Variants in FOXN3 observed in about 807,000 individuals in gnomAD.
FOXN3 encodes forkhead box protein N3.
FOXN3 carries 7 observed loss-of-function variants against 38.4 expected under a neutral mutation model. The observed-to-expected ratio is 0.18, with a 90% CI of 0.10 to 0.34. FOXN3 has a LOEUF of 0.34. Among genes scored for constraint, FOXN3 ranks in the 10% least tolerant of loss-of-function variants. The pLI is 1.00. For missense variants in FOXN3, 456 were observed against 613.4 expected (o/e 0.74, Z 2.71); for synonymous variants, 230 against 242.2 (o/e 0.95, Z 0.47).
chr14:89,445,574 G>A (rs1359824368), intron 1 of FOXN3, among the ~76,000 whole-genome samples: 1 of 152,176 alleles, frequency 6.6e-6, no homozygotes, highest in East Asian at 1.9e-4. Flanking sequence ...AAGTGCCCAG[G>A]GATTAGGGCT....
In FOXN3 at chr14:89,197,364, G is replaced by A. The variant is rs117207777; in HGVS notation, c.746-16558C>T. On this transcript the variant is annotated intron_variant, in intron 4 of 5. Transcript: ENST00000557258. ...TCTACTAAAAATACAAAGATTAGCC[G>A]GATGTGGTGGTGCACACCTGTAGTC... is the stretch of plus-strand genomic sequence containing the variant. 6.9e-3 allele frequency among the ~76,000 whole-genome samples: 1,046 copies of A among 152,086 alleles called. 8 individuals are homozygous for A. Among genetic ancestry groups the A allele is most frequent in the Non-Finnish European group, 0.011 (743 of 67,994 alleles).
At chr14:89,295,529 G>A (rs1242872139) in intron 3 of FOXN3, among the ~76,000 whole-genome samples, 1 of 152,070 alleles carries the variant, frequency 6.6e-6, no homozygotes, top group Non-Finnish European at 1.5e-5. Context: ...GAAAAACAGC[G>A]GGAATGCTAC....
intron 1 of FOXN3, among the ~76,000 whole-genome samples, chr14:89,415,604 C>CAAAAAAAAAAAAAAAAA (rs34026101): frequency 1.3e-4 from 7 of 54,282 alleles, no homozygotes; most frequent in African/African-American, 2.2e-4. Context: ...CAACAATAAC[C>CAAAAAAAAAAAAAAAAA]AAAAAAAAAA....
In FOXN3 at chr14:89,484,545, G is replaced by A. The variant is rs1263161796; in HGVS notation, c.-14-72055C>T. ...TGAAAACCATTCTTAGTACATTGGCGATGCACAGACAGGCGGCAGGCAGTA... is the reference window on the plus strand; with the variant it reads ...TGAAAACCATTCTTAGTACATTGGCAATGCACAGACAGGCGGCAGGCAGTA... On this transcript the variant is annotated intron_variant, in intron 1 of 6. Transcript: ENST00000345097. The surrounding 1 kb of genome is among the most constrained non-coding windows in gnomAD (Gnocchi z 4.0). Among the ~76,000 whole-genome samples the A allele has an allele frequency of 6.6e-6, 1 of 152,200 alleles. No individual in the cohort carries two copies. Among genetic ancestry groups the A allele is most frequent in the South Asian group, 2.1e-4 (1 of 4,836 alleles).
chr14:89,351,428 A>AT (rs1227838178), intron 2 of FOXN3: 1 of 152,198 alleles, frequency 6.6e-6, no homozygotes, highest in African/African-American at 2.4e-5. Context: ...TATTTTTTGG[A>AT]TTCCTCAGTT....
rs1163010642 is a variant in FOXN3 at position 89,511,195 on chromosome 14, TTTCTTTCTTTTC to T, written c.-14-98717_-14-98706del. Among the ~76,000 whole-genome samples, 11 of 17,656 alleles carry T rather than the reference TTTCTTTCTTTTC, an allele frequency of 6.2e-4. 4 individuals carry two copies. The highest frequency in any genetic ancestry group is 3.1e-3 in the Non-Finnish European group (11 of 3,568). 11.6% of individuals were successfully genotyped at this position (17,656 alleles called of 152,430 possible). On this transcript the variant is annotated intron_variant, in intron 1 of 6. Coordinates refer to the FOXN3 transcript ENST00000345097. ...TTTCTTTCTTTCTTTCTTTCTTTTC[TTTCTTTCTTTTC>T]TTTCTTTCTTTCTTTCTTTCTTTTC... is the stretch of plus-strand genomic sequence containing the variant.
chr14:89,397,023 G>T (rs936631586), intron 2 of FOXN3, among the ~76,000 whole-genome samples: 2 of 152,026 alleles, frequency 1.3e-5, no homozygotes, highest in African/African-American at 4.8e-5. Context: ...CAATAGCAAA[G>T]CCATGGAATC....
intron 2 of FOXN3, among the ~76,000 whole-genome samples, chr14:89,381,482 C>T (rs539943634): frequency 6.4e-5 from 9 of 139,786 alleles, no homozygotes; most frequent in Non-Finnish European, 1.2e-4. Context: ...AAGTGTGCTG[C>T]CAAGTCTGGC....
intron 1 of FOXN3, among the ~76,000 whole-genome samples, chr14:89,531,108 T>C (rs1447273932): frequency 6.7e-6 from 1 of 148,476 alleles, no homozygotes; most frequent in East Asian, 1.9e-4. Context: ...ATATATAATA[T>C]ACACACACAC....
At chr14:89,520,114 A>T (rs1894289861) in intron 1 of FOXN3, among the ~76,000 whole-genome samples, 1 of 150,252 alleles carries the variant, frequency 6.7e-6, no homozygotes, top group Admixed American at 6.6e-5. Context: ...CCTAGGCTCA[A>T]GCGATCCTCC....
intron 3 of FOXN3, among the ~76,000 whole-genome samples, chr14:89,284,872 C>T (rs1007984072): frequency 6.6e-6 from 1 of 152,168 alleles, no homozygotes; most frequent in African/African-American, 2.4e-5. Flanking sequence ...GTGAGTGATA[C>T]CATCCTGAAC....
intron 3 of FOXN3, among the ~76,000 whole-genome samples, chr14:89,298,472 T>TA (rs55856005): frequency 0.031 from 3,817 of 123,530 alleles, 134 homozygotes; most frequent in African/African-American, 0.084. Context: ...TCCGTCTATT[T>TA]AAAAAAAAAA....
At chr14:89,566,921 T>C (rs182554547) in intron 1 of FOXN3, among the ~76,000 whole-genome samples, 1 of 148,140 alleles carries the variant, frequency 6.8e-6, no homozygotes, top group Non-Finnish European at 1.5e-5. Context: ...CTCTTCCTCC[T>C]CCTCCCTTGC....
chr14:89,213,903 C>T (rs1201094671), intron 4 of FOXN3, among the ~76,000 whole-genome samples: 1 of 152,212 alleles, frequency 6.6e-6, no homozygotes, highest in African/African-American at 2.4e-5. Context: ...TTTATACTCA[C>T]TGTAACAGTA....
At chr14:89,212,223 T>G (rs547374821) in intron 4 of FOXN3, among the ~76,000 whole-genome samples, 2 of 152,302 alleles carry the variant, frequency 1.3e-5, no homozygotes, top group African/African-American at 2.4e-5. Flanking sequence ...GAATAAGACA[T>G]GTTCTTTGGC....
chr14:89,333,972 A>G (rs1296615143), intron 3 of FOXN3, among the ~76,000 whole-genome samples: 118 of 1,474 alleles, frequency 0.08, 1 homozygote, highest in Admixed American at 0.12. Context: ...GTGTGTATAT[A>G]TATATATATA....
chr14:89,229,738 T>C (rs1375913061), intron 4 of FOXN3, among the ~76,000 whole-genome samples: 2 of 152,150 alleles, frequency 1.3e-5, no homozygotes, highest in Non-Finnish European at 2.9e-5. Flanking sequence ...ATGCAGTAGG[T>C]TGTCCCTCTG....
At chr14:89,185,403 C>A (rs939245936) in intron 4 of FOXN3, 1 of 152,244 alleles carries the variant, frequency 6.6e-6, no homozygotes, top group African/African-American at 2.4e-5. Context: ...TTAGGAAGCT[C>A]GGTGGGAACA....
rs576510037 is a variant in FOXN3, at chr14:89,364,984, C to T, written c.544-14176G>A. Among the ~76,000 whole-genome samples, 7 of 152,270 alleles carry T rather than the reference C, an allele frequency of 4.6e-5. No individual in the cohort carries two copies. In the South Asian group the frequency reaches 1.5e-3, roughly 32 times the overall value. ...AATCAATAATCTGCTTGCATCAACACCTAAATAAAACCAAAATAATCCCAT... is the reference window on the plus strand; with the variant it reads ...AATCAATAATCTGCTTGCATCAACATCTAAATAAAACCAAAATAATCCCAT... On this transcript the variant is annotated intron_variant, in intron 2 of 5. Transcript: ENST00000557258.
Sources: gnomAD v4.1 joint callset for allele counts (sites outside exome capture counted in the v4.1 genomes callset) on GRCh38, gnomAD v4.1.1 for gene constraint, Gnocchi (gnomAD v3.1) non-coding constraint, MANE v1.5 for transcripts, NCBI Gene and HGNC (gene_info 2026-07-23, HGNC 2026-07-21) for gene names.